Variants in ENOX1 observed in about 807,000 individuals in gnomAD.
The protein encoded by ENOX1 is ecto-NOX disulfide-thiol exchanger 1.
In ENOX1, 42 loss-of-function variants were observed where a neutral mutation model predicts 82.5. The observed-to-expected ratio is 0.51, with a 90% CI of 0.40 to 0.66. The LOEUF is 0.66. Among genes scored for constraint, ENOX1 ranks in the 30% least tolerant of loss-of-function variants. The probability of loss-of-function intolerance (pLI) is 0.00; values close to 1 mark genes in which losing one functional copy is unlikely to be tolerated. For missense variants in ENOX1, 608 were observed against 811.6 expected (o/e 0.75, Z 3.05); for synonymous variants, 271 against 282.2 (o/e 0.96, Z 0.40).
chr13:43,230,377 A>C (rs1012795676), intron 15 of ENOX1, among the ~76,000 whole-genome samples: 2 of 152,130 alleles, frequency 1.3e-5, no homozygotes, highest in African/African-American at 4.8e-5. Context: ...TGCTTTGGAC[A>C]GGGGCAGGAA....
intron 1 of ENOX1, among the ~76,000 whole-genome samples, chr13:43,727,909 G>T (rs985344703): frequency 6.6e-6 from 1 of 151,942 alleles, no homozygotes; most frequent in Non-Finnish European, 1.5e-5. Context: ...TAACACATCT[G>T]GTATAAACAA....
intron 2 of ENOX1, among the ~76,000 whole-genome samples, chr13:43,595,264 C>T (rs546794049): frequency 5.3e-5 from 8 of 151,870 alleles, no homozygotes; most frequent in Non-Finnish European, 5.9e-5. Flanking sequence ...GCAGGTAGAA[C>T]GAATTATTTA....
chr13:43,706,160 T>A (rs1162467798), intron 1 of ENOX1, among the ~76,000 whole-genome samples: 1 of 151,908 alleles, frequency 6.6e-6, no homozygotes, highest in Admixed American at 6.5e-5. Flanking sequence ...GAAAAAAATC[T>A]GTAGATTTAA....
chr13:43,633,081 A>T (rs1242612085), intron 2 of ENOX1, among the ~76,000 whole-genome samples: 1 of 152,234 alleles, frequency 6.6e-6, no homozygotes, highest in Non-Finnish European at 1.5e-5. Context: ...CAAAATTTCT[A>T]AATGAACTTC....
At chr13:43,365,557 G>T (rs996254958) in intron 5 of ENOX1, among the ~76,000 whole-genome samples, 3 of 152,168 alleles carry the variant, frequency 2.0e-5, no homozygotes, top group African/African-American at 4.8e-5. Context: ...CCTGGTCCAG[G>T]GTTCAGACCC....
Position 43,330,838 on chromosome 13 carries a change from G to A in ENOX1, c.1037-4313C>T, listed in dbSNP as rs117188293. On this transcript the variant is annotated intron_variant, in intron 9 of 16. Coordinates refer to ENST00000690772, the MANE Select transcript of ENOX1 (RefSeq NM_001347969.2). ...TATGTATGTGTGGAGATACATACAC[G>A]CACCTAGCATACACACATTACACAC... Among the ~76,000 whole-genome samples the A allele has an allele frequency of 1.1e-4, 16 of 152,120 alleles. No homozygotes were observed. In the East Asian group the frequency reaches 3.1e-3, roughly 29 times the overall value.
chr13:43,648,073 G>A (rs1387588260), intron 2 of ENOX1, among the ~76,000 whole-genome samples: 1 of 152,140 alleles, frequency 6.6e-6, no homozygotes, highest in Non-Finnish European at 1.5e-5. Flanking sequence ...TTGGACTTCC[G>A]ACCTGCAGAA....
At chr13:43,304,226 G>A (rs865879242) in intron 11 of ENOX1, among the ~76,000 whole-genome samples, 2 of 152,218 alleles carry the variant, frequency 1.3e-5, no homozygotes, top group African/African-American at 4.8e-5. Flanking sequence ...AGCAACAGTG[G>A]TAGTGACAGC....
intron 7 of ENOX1, among the ~76,000 whole-genome samples, chr13:43,359,523 T>C (rs760607956): frequency 6.6e-6 from 1 of 152,170 alleles, no homozygotes; most frequent in Non-Finnish European, 1.5e-5. Context: ...AGAGAGTACT[T>C]TACTCCTCCT....
chr13:43,506,849 CG>C (rs2077189239), intron 2 of ENOX1, among the ~76,000 whole-genome samples: 3 of 143,004 alleles, frequency 2.1e-5, no homozygotes, highest in African/African-American at 7.8e-5. Flanking sequence ...GGTGGGGGGA[CG>C]GGGGAGGGAT....
At chr13:43,719,830 T>C (rs904480755) in intron 1 of ENOX1, among the ~76,000 whole-genome samples, 1 of 152,118 alleles carries the variant, frequency 6.6e-6, no homozygotes, top group African/African-American at 2.4e-5. Context: ...AATGAGTCTC[T>C]TGCCCAATTC....
At chr13:43,233,363 G>A (rs556586526) in intron 15 of ENOX1, among the ~76,000 whole-genome samples, 6 of 152,194 alleles carry the variant, frequency 3.9e-5, no homozygotes, top group South Asian at 2.1e-4. Flanking sequence ...CAGAATGGTC[G>A]AACTCTAATA....
intron 3 of ENOX1, among the ~76,000 whole-genome samples, chr13:43,469,536 A>G (rs2057894596): frequency 6.6e-6 from 1 of 151,994 alleles, no homozygotes; most frequent in Non-Finnish European, 1.5e-5. Flanking sequence ...TGAAATATTT[A>G]AAAATAAAAT....
At chr13:43,388,836 C>A (rs994060623) in intron 5 of ENOX1, among the ~76,000 whole-genome samples, 7 of 152,098 alleles carry the variant, frequency 4.6e-5, no homozygotes, top group African/African-American at 1.7e-4. Flanking sequence ...TCATTAACAG[C>A]TGAACAAGAG....
intron 5 of ENOX1, among the ~76,000 whole-genome samples, chr13:43,393,826 T>C (rs2052957982): frequency 6.6e-6 from 1 of 152,214 alleles, no homozygotes; most frequent in Admixed American, 6.5e-5. Context: ...TGTCGAAATA[T>C]GATCTCCAGT....
At chr13:43,298,597 G>A in intron 11 of ENOX1, 67 bp from the exon 12 acceptor site, 2 of 1,433,934 alleles carry the variant, frequency 1.4e-6, no homozygotes, top group Non-Finnish European at 1.9e-6. Context: ...GCCTTCTGTG[G>A]GAAAGGGAGT....
At chr13:43,784,601 T>A (rs1373656113) in intron 1 of ENOX1, among the ~76,000 whole-genome samples, 1 of 152,246 alleles carries the variant, frequency 6.6e-6, no homozygotes, top group African/African-American at 2.4e-5. Flanking sequence ...TTAAATTTTA[T>A]TCATCTTAAA....
At chr13:43,780,090 G>A (rs954862636) in intron 1 of ENOX1, among the ~76,000 whole-genome samples, 22 of 151,888 alleles carry the variant, frequency 1.4e-4, no homozygotes, top group African/African-American at 5.3e-4. Flanking sequence ...GAACCCGGGA[G>A]GCAGAGCTTG....
rs557762381 is a variant in ENOX1 at position 43,282,875 on chromosome 13, G to A, written c.1447-13298C>T. 2.2e-4 allele frequency among the ~76,000 whole-genome samples: 34 copies of A among 151,866 alleles called. No homozygotes were observed. The East Asian group carries it at 4.3e-3, about 19-fold the overall frequency. On this transcript the variant is annotated intron_variant, in intron 12 of 16. Coordinates refer to ENST00000690772, the MANE Select transcript of ENOX1 (RefSeq NM_001347969.2). ...TGGGAGGCTGAGGCGGGTAGATCACGAGGTCAGGAGTTTGAGACCAGTCTG... is the reference window on the plus strand; with the variant it reads ...TGGGAGGCTGAGGCGGGTAGATCACAAGGTCAGGAGTTTGAGACCAGTCTG...
Sources: gnomAD v4.1 joint callset for allele counts (sites outside exome capture counted in the v4.1 genomes callset) on GRCh38, gnomAD v4.1.1 for gene constraint, MANE v1.5 for transcripts, NCBI Gene and HGNC (gene_info 2026-07-23, HGNC 2026-07-21) for gene names.